Variants in WDR19 observed in about 807,000 individuals in gnomAD.
WDR19 encodes WD repeat-containing protein 19.
Under a neutral mutation model 180.0 loss-of-function variants are expected in WDR19, and 121 were observed. The ratio of observed to expected loss-of-function variants is 0.67; its 90% CI spans 0.58 to 0.78. WDR19 has a LOEUF of 0.78. Among genes scored for constraint, WDR19 ranks in the 30% least tolerant of loss-of-function variants. The pLI, the probability that WDR19 is intolerant of heterozygous loss-of-function variation, is 0.00. For missense variants in WDR19, 1,450 were observed against 1,640.7 expected (o/e 0.88, Z 2.01); for synonymous variants, 497 against 540.7 (o/e 0.92, Z 1.12).
chr4:39,208,746 A>T (rs1415596917), intron 9 of WDR19, among the ~76,000 whole-genome samples: 3 of 152,198 alleles, frequency 2.0e-5, no homozygotes, highest in Non-Finnish European at 2.9e-5. Context: ...ATTTACATTG[A>T]TATGTTTGAA....
At chr4:39,280,873 A>G (rs897317205) in intron 36 of WDR19, among the ~76,000 whole-genome samples, 2 of 152,134 alleles carry the variant, frequency 1.3e-5, no homozygotes, top group African/African-American at 4.8e-5. Flanking sequence ...TCTTATATTT[A>G]GGTCTTTGAT....
At chr4:39,259,426 G>A (rs1734071546) in intron 28 of WDR19, among the ~76,000 whole-genome samples, 1 of 152,126 alleles carries the variant, frequency 6.6e-6, no homozygotes, top group Non-Finnish European at 1.5e-5. Context: ...ATTACTATAT[G>A]TATTATATAT....
rs1729030821 is a variant in WDR19, at chr4:39,216,000, A to G, written c.1121A>G (p.Asn374Ser). 1.2e-6 allele frequency: 2 copies of G among 1,603,386 alleles called. No individual in the cohort carries two copies. Among genetic ancestry groups the G allele is most frequent in the Non-Finnish European group, 1.7e-6 (2 of 1,175,236 alleles). ...LTSLLEVTVA[N>S]PVEGELPITV... ...TCCCTCCTTGAAGTCACCGTAGCCA[A>G]CCCTGTTGAAGGAGTATGAAAATGG... The change falls in exon 11 of 37, where the codon AAC (asparagine) becomes AGC (serine). Residue 374 changes from asparagine to serine, a missense_variant. Physicochemically the swap from Asn to Ser is conservative, Grantham distance 46. Transcript: ENST00000399820.
intron 15 of WDR19, among the ~76,000 whole-genome samples, chr4:39,227,130 C>T (rs1041088019): frequency 4.6e-5 from 7 of 152,060 alleles, no homozygotes; most frequent in Admixed American, 2.0e-4. Context: ...TATCTCAATT[C>T]GGACTTGGCA....
At chr4:39,189,047 C>G (rs1375360067) in intron 3 of WDR19, among the ~76,000 whole-genome samples, 1 of 152,066 alleles carries the variant, frequency 6.6e-6, no homozygotes, top group Non-Finnish European at 1.5e-5. Flanking sequence ...CTCAGCCTCC[C>G]AAGTAGCTGG....
At chr4:39,245,555 A>T (rs1161316520) in intron 24 of WDR19, 103 bp downstream of exon 24, 4 of 1,179,886 alleles carry the variant, frequency 3.4e-6, no homozygotes, top group Non-Finnish European at 4.9e-6. Flanking sequence ...CCAGAGAAAG[A>T]CAGAAAACAC....
intron 36 of WDR19, among the ~76,000 whole-genome samples, chr4:39,278,995 A>G (rs1258106756): frequency 1.3e-5 from 2 of 152,056 alleles, no homozygotes; most frequent in Non-Finnish European, 2.9e-5. Context: ...AATTCAGGAG[A>G]ATATATTGTA....
At chr4:39,194,882 TG>T in intron 5 of WDR19, 1 of 472,384 alleles carries the variant, frequency 2.1e-6, no homozygotes, top group Non-Finnish European at 3.8e-6. Flanking sequence ...AAAGTCAGGC[TG>T]TGCCTTTCGC....
intron 36 of WDR19, among the ~76,000 whole-genome samples, chr4:39,280,168 C>T (rs1201929643): frequency 1.6e-5 from 2 of 127,230 alleles, no homozygotes; most frequent in Non-Finnish European, 1.6e-5. Context: ...CGCCACATTG[C>T]GCAGATTGGT....
In WDR19 at chr4:39,218,107, T is replaced by C. The variant is rs756329385; in HGVS notation, c.1479+2T>C. ...GATTTCCTCATCTATGGTACAGATG[T>C]ATGTATTGCCTTCTTTTTTAGAGAA... On this transcript the variant is annotated splice_donor_variant, in intron 14 of 36. Transcript: ENST00000399820. LOFTEE classifies it high-confidence loss of function. The C allele has an allele frequency of 6.2e-7, 1 of 1,603,128 alleles. No individual in the cohort carries two copies. Among genetic ancestry groups the C allele is most frequent in the Non-Finnish European group, 8.5e-7 (1 of 1,174,960 alleles).
intron 36 of WDR19, among the ~76,000 whole-genome samples, chr4:39,280,762 T>TG (rs1440467766): frequency 1.3e-5 from 2 of 152,190 alleles, no homozygotes; most frequent in Non-Finnish European, 2.9e-5. Flanking sequence ...AAGACCAGCC[T>TG]GGGCAACATA....
At chr4:39,265,975 A>G in intron 28 of WDR19, 88 bp from the exon 29 acceptor site, 3 of 1,119,744 alleles carry the variant, frequency 2.7e-6, no homozygotes, top group Non-Finnish European at 2.6e-6. Context: ...TTTTTATTCC[A>G]TCTCCCTAAG....
chr4:39,214,451 A>G lies in WDR19; in HGVS notation c.891-150A>G, dbSNP rs1007188691. ...AGATAAAATATAATGAAGTACAGAA[A>G]TTCTAATATTTTCTTAACCCAGTAG... On this transcript the variant is annotated intron_variant, in intron 9 of 36. Coordinates refer to ENST00000399820, the MANE Select transcript of WDR19 (RefSeq NM_025132.4). 2.9e-5 allele frequency: 15 copies of G among 511,012 alleles called. No individual in the cohort carries two copies. In the Admixed American group the frequency reaches 5.8e-4, roughly 20 times the overall value. 31.7% of individuals were successfully genotyped at this position (511,012 alleles called of 1,614,324 possible).
intron 20 of WDR19, among the ~76,000 whole-genome samples, chr4:39,239,484 A>C (rs944451083): frequency 1.3e-5 from 2 of 152,080 alleles, no homozygotes; most frequent in African/African-American, 2.4e-5. Flanking sequence ...ATTGTCATTT[A>C]GTGCCCCAAA....
intron 14 of WDR19, among the ~76,000 whole-genome samples, chr4:39,221,041 A>G (rs1158143721): frequency 6.6e-6 from 1 of 151,842 alleles, no homozygotes; most frequent in African/African-American, 2.4e-5. Context: ...TTTTTTTAAA[A>G]GAACATGTTT....
At chr4:39,212,389 G>A (rs1728637795) in intron 9 of WDR19, among the ~76,000 whole-genome samples, 1 of 152,144 alleles carries the variant, frequency 6.6e-6, no homozygotes, top group Non-Finnish European at 1.5e-5. Context: ...CTAGGGTTAG[G>A]CAAAGAATTC....
intron 9 of WDR19, among the ~76,000 whole-genome samples, chr4:39,212,196 G>GT (rs2109316962): frequency 6.6e-6 from 1 of 152,118 alleles, no homozygotes; most frequent in East Asian, 1.9e-4. Flanking sequence ...TGCACAGTTG[G>GT]TTTTTGACAA....
chr4:39,267,401 T>C lies in WDR19; in HGVS notation c.3262-594T>C, dbSNP rs940570077. ...GCAGCTCAGTTAACTTGCCAAAGGA[T>C]ACAGGCCCTTCAACTGCTCCAGCCA... On this transcript the variant is annotated intron_variant, in intron 29 of 36. Transcript: ENST00000399820. Among the ~76,000 whole-genome samples the C allele has an allele frequency of 3.3e-5, 5 of 152,104 alleles. No individual in the cohort carries two copies. The South Asian group carries it at 8.3e-4, about 25-fold the overall frequency.
At chr4:39,239,265 C>T (rs562472318) in intron 20 of WDR19, among the ~76,000 whole-genome samples, 23 of 152,100 alleles carry the variant, frequency 1.5e-4, no homozygotes, top group African/African-American at 4.8e-4. Flanking sequence ...TGTGAGCCAC[C>T]GTGCCTGGCC....
Sources: gnomAD v4.1 joint callset for allele counts (sites outside exome capture counted in the v4.1 genomes callset) on GRCh38, gnomAD v4.1.1 for gene constraint, MANE v1.5 for transcripts, NCBI Gene and HGNC (gene_info 2026-07-23, HGNC 2026-07-21) for gene names.